Variants in AFDN observed in about 807,000 individuals in gnomAD.
AFDN encodes afadin, adherens junction formation factor.
Under a neutral mutation model 216.6 loss-of-function variants are expected in AFDN, and 68 were observed. The observed-to-expected ratio is 0.31, with a 90% CI of 0.26 to 0.38. AFDN has a LOEUF of 0.38. AFDN is among the 10% of genes least tolerant of loss of function. The pLI, the probability that AFDN is intolerant of heterozygous loss-of-function variation, is 1.00. For synonymous variants in AFDN, 868 were observed against 853.7 expected (o/e 1.02, Z -0.29); for missense variants, 2,136 against 2,342.0 (o/e 0.91, Z 1.82).
rs1460727881 is a variant in AFDN, at chr6:167,970,428, G to T, written c.*493G>T. 9.1e-6 allele frequency: 2 copies of T among 220,586 alleles called. No individual in the cohort carries two copies. The highest frequency in any genetic ancestry group is 1.8e-5 in the Non-Finnish European group (2 of 110,386). The allele number at this position is 220,586 out of a possible 1,614,324, so 13.7% of individuals were successfully genotyped here. ...GACCACACGCTCTTCTACCCGGGAA[G>T]GAACATATGACGACATGCTCCTCCC... On this transcript the variant is annotated 3_prime_UTR_variant, in exon 34 of 34. Coordinates refer to ENST00000683244, the MANE Select transcript of AFDN (RefSeq NM_001386888.1).
chr6:167,897,582 TGATCTGTTTAGA>T (rs1788419614), intron 10 of AFDN, among the ~76,000 whole-genome samples: 1 of 151,790 alleles, frequency 6.6e-6, no homozygotes, highest in Admixed American at 6.6e-5. Flanking sequence ...TTAATGCTAA[TGATCTGTTTAGA>T]TTTGTCCATT....
At chr6:167,880,735 C>T (rs1038212225) in intron 6 of AFDN, among the ~76,000 whole-genome samples, 2 of 151,980 alleles carry the variant, frequency 1.3e-5, no homozygotes, top group Non-Finnish European at 2.9e-5. Flanking sequence ...TATTAAAAGG[C>T]AAATTAAAGA....
chr6:167,846,990 A>G (rs1039102036), intron 1 of AFDN, among the ~76,000 whole-genome samples: 3 of 152,142 alleles, frequency 2.0e-5, no homozygotes, highest in South Asian at 2.1e-4. Flanking sequence ...AGGTATGTCT[A>G]TACTCTGTCA....
At position 167,898,387 on chromosome 6, in the gene AFDN, G is replaced by A; in HGVS notation, c.1500G>A (p.Val500=). The A allele has an allele frequency of 6.2e-6, 10 of 1,614,186 alleles. No individual in the cohort carries two copies. The highest frequency in any genetic ancestry group is 8.5e-6 in the Non-Finnish European group (10 of 1,180,036). The change falls in exon 11 of 34, where the codon GTG becomes GTA. Residue 500 remains valine (V), a synonymous_variant. Coordinates refer to ENST00000683244, the MANE Select transcript of AFDN (RefSeq NM_001386888.1). ...QFGASHVFKF[V]DPSQDHALAK... is the part of the protein sequence containing the mutation. ...GGGCGTCCCATGTATTTAAGTTTGT[G>A]GACCCCAGTCAGGATCATGCTCTTG...
At position 167,870,852 on chromosome 6, in the gene AFDN, A is replaced by G. The variant is rs913580772; in HGVS notation, c.414+354A>G. Among the ~76,000 whole-genome samples, 17 of 152,216 alleles carry G rather than the reference A, an allele frequency of 1.1e-4. No individual in the cohort carries two copies. The South Asian group carries it at 2.5e-3, about 22-fold the overall frequency. ...AAGGGAAAATAACGCTTTTATATCT[A>G]TTTGTGAACTTTTAGATGCAACTTT... On this transcript the variant is annotated intron_variant, in intron 3 of 33. Coordinates refer to ENST00000683244, the MANE Select transcript of AFDN (RefSeq NM_001386888.1).
intron 1 of AFDN, among the ~76,000 whole-genome samples, chr6:167,845,028 T>A (rs988740905): frequency 6.6e-6 from 1 of 151,904 alleles, no homozygotes; most frequent in African/African-American, 2.4e-5. Context: ...CCCAGCTAAT[T>A]TTTAAGAAAT....
chr6:167,947,755 C>G, intron 27 of AFDN, 98 bp from the exon 28 acceptor site: 2 of 693,912 alleles, frequency 2.9e-6, no homozygotes, highest in Non-Finnish European at 4.9e-6. Flanking sequence ...TACTCACTAG[C>G]AGTATGAAGA....
chr6:167,920,721 A>G (rs1044742653), intron 21 of AFDN, among the ~76,000 whole-genome samples: 1 of 152,158 alleles, frequency 6.6e-6, no homozygotes, highest in Non-Finnish European at 1.5e-5. Context: ...TACGCACACT[A>G]TAGATGTCAT....
At chr6:167,937,275 C>CT (rs1175374039) in intron 23 of AFDN, among the ~76,000 whole-genome samples, 1 of 152,194 alleles carries the variant, frequency 6.6e-6, no homozygotes, top group East Asian at 1.9e-4. Context: ...TCTTCTGTGT[C>CT]TAAGAGTATT....
chr6:167,847,498 C>G (rs1781829878), intron 1 of AFDN, among the ~76,000 whole-genome samples: 1 of 152,136 alleles, frequency 6.6e-6, no homozygotes, highest in East Asian at 1.9e-4. Context: ...TCTTCTTCAG[C>G]CCTCTCCTAA....
intron 2 of AFDN, among the ~76,000 whole-genome samples, chr6:167,868,196 A>T (rs1784402154): frequency 6.6e-6 from 1 of 152,144 alleles, no homozygotes; most frequent in Admixed American, 6.5e-5. Flanking sequence ...AATACAGCAA[A>T]GTACTGTTTT....
intron 1 of AFDN, among the ~76,000 whole-genome samples, chr6:167,856,372 TG>T (rs1412847549): frequency 6.6e-6 from 1 of 150,994 alleles, no homozygotes; most frequent in East Asian, 1.9e-4. Flanking sequence ...TCCAGTGGGG[TG>T]GGGGGTCTTG....
intron 3 of AFDN, 51 bp from the exon 4 acceptor site, chr6:167,872,163 T>C (rs1249998152): frequency 8.4e-6 from 13 of 1,548,496 alleles, no homozygotes; most frequent in African/African-American, 1.4e-5. Context: ...GTAGGCAATT[T>C]TATGTGATTC....
intron 1 of AFDN, among the ~76,000 whole-genome samples, chr6:167,842,145 C>G (rs1417482960): frequency 6.6e-6 from 1 of 152,164 alleles, no homozygotes; most frequent in African/African-American, 2.4e-5. Flanking sequence ...TTTCTTGCTT[C>G]TATCCCCAAA....
intron 30 of AFDN, among the ~76,000 whole-genome samples, chr6:167,960,832 A>G (rs977867792): frequency 1.3e-5 from 2 of 152,312 alleles, no homozygotes; most frequent in Non-Finnish European, 2.9e-5. Context: ...TACTCCTGCT[A>G]TAAGCCCCCT....
At chr6:167,912,696 A>G (rs632256) in intron 15 of AFDN, among the ~76,000 whole-genome samples, 112,581 of 152,046 alleles carry the variant, frequency 0.74, 42,261 homozygotes, top group East Asian at 0.98. Context: ...GTTGTGAGAC[A>G]CCTATCATAA....
Position 167,886,937 on chromosome 6 carries a change from C to T in AFDN, c.898-2278C>T, listed in dbSNP as rs540767370. On this transcript the variant is annotated intron_variant, in intron 6 of 33. Coordinates refer to ENST00000683244, the MANE Select transcript of AFDN (RefSeq NM_001386888.1). ...GGCTGAGGTGGGAGAATCACTTGAA[C>T]CCAGGAGGCGGAGGTTGCAGTGAGC... Among the ~76,000 whole-genome samples the T allele has an allele frequency of 2.1e-4, 32 of 150,590 alleles. No homozygotes were observed. The South Asian group carries it at 6.5e-3, about 31-fold the overall frequency.
intron 13 of AFDN, among the ~76,000 whole-genome samples, chr6:167,909,627 T>C (rs1441758774): frequency 6.6e-6 from 1 of 152,204 alleles, no homozygotes; most frequent in African/African-American, 2.4e-5. Flanking sequence ...AAGTCACTAA[T>C]GAGTATTTCT....
chr6:167,955,497 A>G (rs1796409075), intron 30 of AFDN, among the ~76,000 whole-genome samples: 1 of 152,102 alleles, frequency 6.6e-6, no homozygotes, highest in African/African-American at 2.4e-5. Context: ...GCTGGAAGAT[A>G]TTGATCAGAG....
Sources: gnomAD v4.1 joint callset for allele counts (sites outside exome capture counted in the v4.1 genomes callset) on GRCh38, gnomAD v4.1.1 for gene constraint, MANE v1.5 for transcripts, NCBI Gene and HGNC (gene_info 2026-07-23, HGNC 2026-07-21) for gene names.